The following PIK3C2A variants were observed in gnomAD, a reference collection of about 807,000 sequenced individuals.
The protein encoded by PIK3C2A is phosphatidylinositol-4-phosphate 3-kinase catalytic subunit type 2 alpha.
In PIK3C2A, 97 loss-of-function variants were observed where a neutral mutation model predicts 204.5. The ratio of observed to expected loss-of-function variants is 0.47; its 90% CI spans 0.40 to 0.56. The LOEUF is 0.56. PIK3C2A is among the 20% of genes least tolerant of loss of function. The pLI is 0.00. For synonymous variants in PIK3C2A, 653 were observed against 664.4 expected, an observed-to-expected ratio of 0.98 and a Z score of 0.26; for missense variants, 1,735 against 1,969.2, an observed-to-expected ratio of 0.88 and a Z score of 2.25.
chr11:17,187,618 A>G (rs1851798577), intron 1 of PIK3C2A, among the ~76,000 whole-genome samples: 1 of 152,182 alleles, frequency 6.6e-6, no homozygotes, highest in Non-Finnish European at 1.5e-5. Context: ...AAAAACTAAA[A>G]GAAAAGTAAG....
chr11:17,112,327 C>T (rs537732161), intron 21 of PIK3C2A, among the ~76,000 whole-genome samples: 1 of 151,964 alleles, frequency 6.6e-6, no homozygotes, highest in African/African-American at 2.4e-5. Flanking sequence ...GTGGCAGGTG[C>T]CTGTAATCTC....
At chr11:17,201,525 CAA>C (rs869055451) in intron 1 of PIK3C2A, among the ~76,000 whole-genome samples, 123 of 28,990 alleles carry the variant, frequency 4.2e-3, no homozygotes, top group African/African-American at 0.015. Flanking sequence ...GACTCCGTCT[CAA>C]AAAAAAAAAA....
At chr11:17,116,891 C>G (rs954156965) in intron 19 of PIK3C2A, among the ~76,000 whole-genome samples, 2 of 152,014 alleles carry the variant, frequency 1.3e-5, no homozygotes, top group African/African-American at 4.8e-5. Flanking sequence ...GCCTGGCCAG[C>G]AGTATTATTA....
In PIK3C2A at chr11:17,117,633, G is replaced by A; in HGVS notation, c.3074C>T (p.Thr1025Ile). The change falls in exon 19 of 33, where the codon ACC becomes ATC. Residue 1025 changes from threonine (T) to isoleucine (I), a missense_variant. Around this residue, in one of 6 missense-constraint regions of PIK3C2A, gnomAD observed 567 missense variants for 576.0 expected, o/e 0.98. Coordinates refer to ENST00000691414, the MANE Select transcript of PIK3C2A (RefSeq NM_002645.4). ...KDALHDVQFS[T>I]RYEHVLGALL... ...AGCACCCAAAACATGTTCGTATCGG[G>A]TACTAAACTGTACATCATGCAGGGC... 1 of 1,610,036 alleles carries A rather than the reference G, an allele frequency of 6.2e-7. No individual in the cohort carries two copies. The highest frequency in any genetic ancestry group is 1.1e-5 in the South Asian group (1 of 90,966).
chr11:17,090,801 A>G (rs886714435), intron 32 of PIK3C2A, among the ~76,000 whole-genome samples: 1 of 151,726 alleles, frequency 6.6e-6, no homozygotes, highest in African/African-American at 2.4e-5. Flanking sequence ...GTGCAGTGGC[A>G]TGATCATGAC....
rs1409949565 is a variant in PIK3C2A, at chr11:17,135,087, A to C, written c.1897+24T>G. The C allele has an allele frequency of 1.9e-6, 3 of 1,613,494 alleles. No homozygotes were observed. The African/African-American group carries it at 4.0e-5, about 22-fold the overall frequency. ...TCTGAAAAGGCGATGATTATTGCTA[A>C]AATTTAAAGATTTAAACACATACCC... On this transcript the variant is annotated intron_variant, in intron 10 of 32. Transcript: ENST00000691414.
rs749486661 is a variant in PIK3C2A, at chr11:17,150,529, T to A, written c.1296A>T (p.Gly432=). 3 of 1,607,764 alleles carry A rather than the reference T, an allele frequency of 1.9e-6. No homozygotes were observed. In the African/African-American group the frequency reaches 4.0e-5, roughly 22 times the overall value. Residue 432 remains glycine (G), a synonymous_variant, in exon 4 of 33, where the codon GGA becomes GGT. Coordinates refer to ENST00000691414, the MANE Select transcript of PIK3C2A (RefSeq NM_002645.4). ...ASVKVSIDIE[G]FQLPVTFTCD... is the part of the protein sequence containing the mutation. ...ACGTAAAAGTAACTGGTAGCTGAAA[T>A]CCTTCAATGTCAATGGAGACCTTCA... is the stretch of plus-strand genomic sequence containing the variant.
chr11:17,116,810 C>CTT (rs1015526023), intron 19 of PIK3C2A, among the ~76,000 whole-genome samples: 1 of 151,994 alleles, frequency 6.6e-6, no homozygotes, highest in African/African-American at 2.4e-5. Context: ...AGGATGGTCT[C>CTT]GATCTCCTGA....
chr11:17,163,681 T>C (rs1850855462), intron 2 of PIK3C2A, among the ~76,000 whole-genome samples: 1 of 152,130 alleles, frequency 6.6e-6, no homozygotes, highest in Admixed American at 6.5e-5. Context: ...CCCAAAGCAC[T>C]GGGTTTACAG....
Position 17,102,362 on chromosome 11 carries a change from G to A in PIK3C2A, c.3851+300C>T, listed in dbSNP as rs367783058. ...TGAGGCAGGAGAATGGCGTGAACCC[G>A]GGAGGCGGAGCTTGCAGTGAGCCGA... On this transcript the variant is annotated intron_variant, in intron 24 of 32. Coordinates refer to ENST00000691414, the MANE Select transcript of PIK3C2A (RefSeq NM_002645.4). Among the ~76,000 whole-genome samples the A allele has an allele frequency of 3.0e-3, 464 of 152,244 alleles. 3 individuals carry two copies. Among genetic ancestry groups the A allele is most frequent in the African/African-American group, 0.01 (436 of 41,536 alleles).
intron 1 of PIK3C2A, among the ~76,000 whole-genome samples, chr11:17,194,607 T>C (rs368758665): frequency 1.3e-3 from 192 of 152,312 alleles, no homozygotes; most frequent in African/African-American, 4.3e-3. Context: ...TTGTTAGACA[T>C]TGGATGATAA....
chr11:17,103,817 AAATC>A, intron 23 of PIK3C2A, among the ~76,000 whole-genome samples: 1 of 152,306 alleles, frequency 6.6e-6, no homozygotes, highest in African/African-American at 2.4e-5. Flanking sequence ...CTTACTTATT[AAATC>A]ACATTAAAAA....
intron 1 of PIK3C2A, chr11:17,193,924 CG>C (rs1023598429): frequency 1.2e-5 from 3 of 256,078 alleles, no homozygotes; most frequent in African/African-American, 7.8e-5. Flanking sequence ...AAAGAAACCC[CG>C]ATCACAAAGA....
intron 8 of PIK3C2A, among the ~76,000 whole-genome samples, chr11:17,140,631 T>C (rs1217661626): frequency 2.6e-5 from 4 of 152,154 alleles, no homozygotes; most frequent in Non-Finnish European, 2.9e-5. Context: ...ACCAGATTAG[T>C]AGTTGTCTGG....
chr11:17,117,775 G>A (rs923207541), intron 18 of PIK3C2A, 104 bp from the exon 19 acceptor site: 5 of 608,328 alleles, frequency 8.2e-6, no homozygotes, highest in South Asian at 7.3e-5. Flanking sequence ...GTGCAGTGGC[G>A]CCATCTCGGC....
chr11:17,115,152 T>C (rs569796053), intron 19 of PIK3C2A, among the ~76,000 whole-genome samples: 1 of 152,164 alleles, frequency 6.6e-6, no homozygotes, highest in African/African-American at 2.4e-5. Flanking sequence ...AAGTGTCCCC[T>C]GAATAGCCAA....
chr11:17,183,711 G>C (rs1002925166), intron 1 of PIK3C2A, among the ~76,000 whole-genome samples: 2 of 151,834 alleles, frequency 1.3e-5, no homozygotes, highest in African/African-American at 2.4e-5. Flanking sequence ...CCACTTTATC[G>C]TAAGTTATGT....
chr11:17,151,427 C>T (rs1365804975), intron 3 of PIK3C2A, among the ~76,000 whole-genome samples: 1 of 152,084 alleles, frequency 6.6e-6, no homozygotes, highest in African/African-American at 2.4e-5. Flanking sequence ...GGAATGAATG[C>T]TAGAAGTATT....
intron 13 of PIK3C2A, among the ~76,000 whole-genome samples, chr11:17,125,655 T>C (rs1023827598): frequency 3.3e-5 from 5 of 152,050 alleles, no homozygotes; most frequent in African/African-American, 9.7e-5. Context: ...GCTGGGACTA[T>C]AGGCACGAGC....
Sources: gnomAD v4.1 joint callset for allele counts (sites outside exome capture counted in the v4.1 genomes callset) on GRCh38, gnomAD v4.1.1 for gene constraint, gnomAD v4.1.1 regional missense constraint, MANE v1.5 for transcripts, NCBI Gene and HGNC (gene_info 2026-07-23, HGNC 2026-07-21) for gene names.